The following XKR4 variants were observed in gnomAD, a reference collection of about 807,000 sequenced individuals.
XKR4 encodes XK related 4.
Under a neutral mutation model 53.9 loss-of-function variants are expected in XKR4, and 12 were observed. The ratio of observed to expected loss-of-function variants is 0.22; its 90% CI spans 0.14 to 0.36. XKR4 has a LOEUF of 0.36. XKR4 is among the 10% of genes least tolerant of loss of function. The pLI is 1.00. For synonymous variants in XKR4, 354 were observed against 362.4 expected (o/e 0.98, Z 0.26); for missense variants, 799 against 859.5 (o/e 0.93, Z 0.88).
intron 2 of XKR4, among the ~76,000 whole-genome samples, chr8:55,443,045 T>C (rs1805292510): frequency 6.6e-6 from 1 of 152,220 alleles, no homozygotes. Context: ...GACATCAGTC[T>C]CATTTGGTTT....
At chr8:55,287,140 G>A (rs117142686) in intron 1 of XKR4, among the ~76,000 whole-genome samples, 18,437 of 116,330 alleles carry the variant, frequency 0.16, 1,540 homozygotes, top group Non-Finnish European at 0.2. Context: ...GTGGGGGGGG[G>A]GAACCTTCAA....
rs1037217574 is a variant in XKR4 at position 55,166,372 on chromosome 8, T to C, written c.806+63078T>C. ...AGTCTGGTTGGAAGGGGAACAGTCA[T>C]CTCTGCTGAGTCTTTAAAGGGAAAT... On this transcript the variant is annotated intron_variant, in intron 1 of 2. Coordinates refer to ENST00000327381, the MANE Select transcript of XKR4 (RefSeq NM_052898.2). Among the ~76,000 whole-genome samples the C allele has an allele frequency of 9.8e-5, 15 of 152,334 alleles. 1 individual carries two copies. The highest frequency in any genetic ancestry group is 8.5e-4 in the Admixed American group (13 of 15,300).
At chr8:55,360,608 T>C (rs1423519554) in intron 2 of XKR4, among the ~76,000 whole-genome samples, 1 of 152,226 alleles carries the variant, frequency 6.6e-6, no homozygotes, top group African/African-American at 2.4e-5. Context: ...TCAAAATATC[T>C]AAAACATTCT....
rs756843256 is a variant in XKR4, at chr8:55,450,075, T to C, written c.1007-73206T>C. The C allele has an allele frequency of 3.0e-5, 22 of 736,344 alleles. 1 individual carries two copies. The highest frequency in any genetic ancestry group is 5.7e-5 in the South Asian group (4 of 70,300). The allele number at this position is 736,344 out of a possible 1,614,324, so 45.6% of individuals were successfully genotyped here. On this transcript the variant is annotated intron_variant, in intron 2 of 2. Transcript: ENST00000327381. ...CATCTGGCCGGGCTTCAAGGCGCCA[T>C]GCAGCCTTCACGCGGTCCCAGGTGT...
At chr8:55,164,986 C>T (rs1316932737) in intron 1 of XKR4, among the ~76,000 whole-genome samples, 1 of 152,078 alleles carries the variant, frequency 6.6e-6, no homozygotes, top group Non-Finnish European at 1.5e-5. Context: ...GCAAGGTGGT[C>T]ATTTCTTATC....
At position 55,103,056 on chromosome 8, in the gene XKR4, G is replaced by A; in HGVS notation, c.568G>A (p.Ala190Thr). The A allele has an allele frequency of 1.2e-6, 2 of 1,612,894 alleles. No homozygotes were observed. The highest frequency in any genetic ancestry group is 1.7e-6 in the Non-Finnish European group (2 of 1,179,768). The change falls in exon 1 of 3, where the codon GCC (alanine) becomes ACC (threonine). Residue 190 changes from alanine (A) to threonine (T), a missense_variant. Around this residue, in one of 3 missense-constraint regions of XKR4, gnomAD observed 476 missense variants for 505.4 expected, o/e 0.94. Coordinates refer to ENST00000327381, the MANE Select transcript of XKR4 (RefSeq NM_052898.2). ...AAASSCPQPG[A>T]DCKTVVGGGS... ...TGCCTCCAGCTGCCCGCAGCCTGGA[G>A]CCGATTGCAAGACGGTGGTCGGCGG...
chr8:55,352,661 C>T (rs1803740239), intron 1 of XKR4, among the ~76,000 whole-genome samples: 1 of 152,184 alleles, frequency 6.6e-6, no homozygotes, highest in African/African-American at 2.4e-5. Context: ...GAGTCCTTCA[C>T]TTTTATTACA....
intron 2 of XKR4, among the ~76,000 whole-genome samples, chr8:55,444,627 A>C (rs1054405288): frequency 6.6e-6 from 1 of 152,246 alleles, no homozygotes; most frequent in African/African-American, 2.4e-5. Flanking sequence ...AATATACATC[A>C]AAATCATTTT....
At chr8:55,445,639 C>T (rs1377313582) in intron 2 of XKR4, among the ~76,000 whole-genome samples, 1 of 151,644 alleles carries the variant, frequency 6.6e-6, no homozygotes, top group Admixed American at 6.6e-5. Context: ...TTTCTCAGAG[C>T]ATGTGCTGTC....
chr8:55,250,391 C>T (rs2129369588), intron 1 of XKR4, among the ~76,000 whole-genome samples: 1 of 152,310 alleles, frequency 6.6e-6, no homozygotes, highest in East Asian at 1.9e-4. Context: ...GCAGGTCATA[C>T]AGTGCTCCTT....
In XKR4 at chr8:55,536,455, C is replaced by T. The variant is rs564649795; in HGVS notation, c.*12228C>T. The T allele has an allele frequency of 5.3e-5, 8 of 152,136 alleles. No individual in the cohort carries two copies. Among genetic ancestry groups the T allele is most frequent in the Non-Finnish European group, 1.0e-4 (7 of 68,034 alleles). 9.4% of individuals were successfully genotyped at this position (152,136 alleles called of 1,614,324 possible). On this transcript the variant is annotated 3_prime_UTR_variant, in exon 3 of 3. Transcript: ENST00000327381. Reference sequence around the variant, plus strand: ...AGACTGTCCACATGACTGCAAATATCCTGATGAAAAGTGGCCAAGTAGATC... The same window carrying T: ...AGACTGTCCACATGACTGCAAATATTCTGATGAAAAGTGGCCAAGTAGATC...
At chr8:55,311,554 A>T (rs750497250) in intron 1 of XKR4, among the ~76,000 whole-genome samples, 1 of 152,122 alleles carries the variant, frequency 6.6e-6, no homozygotes, top group Non-Finnish European at 1.5e-5. Context: ...CAGGTGAGTT[A>T]ATTTGTAGGC....
Position 55,524,157 on chromosome 8 carries a change from C to A in XKR4, c.1883C>A (p.Ser628Tyr). 1.2e-6 allele frequency: 2 copies of A among 1,614,226 alleles called. No individual in the cohort carries two copies. The highest frequency in any genetic ancestry group is 1.7e-6 in the Non-Finnish European group (2 of 1,180,046). The change falls in exon 3 of 3, where the codon TCT becomes TAT. Residue 628 changes from serine (S) to tyrosine (Y), a missense_variant. Coordinates refer to ENST00000327381, the MANE Select transcript of XKR4 (RefSeq NM_052898.2). ...KAILAFECSP[S>Y]PPRLQYKDDA... Reference sequence around the variant, plus strand: ...ATTTTAGCTTTTGAATGTTCCCCATCTCCTCCAAGGCTGCAGTACAAAGAT... The same window carrying A: ...ATTTTAGCTTTTGAATGTTCCCCATATCCTCCAAGGCTGCAGTACAAAGAT...
Position 55,405,830 on chromosome 8 carries a change from C to T in XKR4, c.1006+47953C>T, listed in dbSNP as rs563386781. 2.0e-5 allele frequency among the ~76,000 whole-genome samples: 3 copies of T among 152,274 alleles called. No homozygotes were observed. In the South Asian group the frequency reaches 6.2e-4, roughly 32 times the overall value. Reference sequence around the variant, plus strand: ...CTGCTGCCACTTCAGTGTTCAGAGGCCTCTGTTAAAGGAGAATGTGTGTGA... The same window carrying T: ...CTGCTGCCACTTCAGTGTTCAGAGGTCTCTGTTAAAGGAGAATGTGTGTGA... On this transcript the variant is annotated intron_variant, in intron 2 of 2. Transcript: ENST00000327381.
intron 1 of XKR4, among the ~76,000 whole-genome samples, chr8:55,228,762 T>A (rs921616246): frequency 2.6e-5 from 4 of 152,174 alleles, no homozygotes; most frequent in African/African-American, 9.7e-5. Flanking sequence ...TCTTCATAGC[T>A]CACCACAGTT....
At chr8:55,439,038 G>A (rs1327721687) in intron 2 of XKR4, among the ~76,000 whole-genome samples, 2 of 152,114 alleles carry the variant, frequency 1.3e-5, no homozygotes, top group African/African-American at 4.8e-5. Flanking sequence ...TCTTGCATAG[G>A]GACCTTGCGT....
Position 55,541,649 on chromosome 8 carries a change from T to A in XKR4, c.*17422T>A, listed in dbSNP as rs1266162173. ...GAGCACAGTGCCTGGACCTGAATGA[T>A]CATCTTGGCAGTTCTTGTGCTTTTA... On this transcript the variant is annotated 3_prime_UTR_variant, in exon 3 of 3. Transcript: ENST00000327381. The A allele has an allele frequency of 2.6e-5, 4 of 152,198 alleles. No homozygotes were observed. Among genetic ancestry groups the A allele is most frequent in the Non-Finnish European group, 4.4e-5 (3 of 68,026 alleles). The allele number at this position is 152,198 out of a possible 1,614,324, so 9.4% of individuals were successfully genotyped here. A position where few individuals can be genotyped will look rare whatever the true frequency, so the allele number is the denominator to read the frequency against.
chr8:55,329,238 G>A (rs2129380498), intron 1 of XKR4, among the ~76,000 whole-genome samples: 1 of 152,280 alleles, frequency 6.6e-6, no homozygotes, highest in South Asian at 2.1e-4. Flanking sequence ...TTGAGAAAAA[G>A]GGAGACTACA....
At chr8:55,365,976 G>A (rs1406934877) in intron 2 of XKR4, among the ~76,000 whole-genome samples, 2 of 152,162 alleles carry the variant, frequency 1.3e-5, no homozygotes, top group Non-Finnish European at 2.9e-5. Context: ...GGAGTGGGGC[G>A]CACCTGGAAC....
Sources: allele counts gnomAD v4.1 joint callset (sites outside exome capture counted in the v4.1 genomes callset), GRCh38; gene constraint gnomAD v4.1.1; regional missense constraint gnomAD v4.1.1; transcripts MANE v1.5; gene names NCBI Gene and HGNC (gene_info 2026-07-23, HGNC 2026-07-21).